SLC39A12: variants seen among roughly 807,000 people sequenced by gnomAD.
The protein encoded by SLC39A12 is solute carrier family 39 member 12, also known as zinc transporter ZIP12.
Under a neutral mutation model 71.1 loss-of-function variants are expected in SLC39A12, and 63 were observed. The ratio of observed to expected loss-of-function variants is 0.89; its 90% CI spans 0.72 to 1.09. The LOEUF (loss-of-function observed/expected upper bound fraction) is 1.09, where lower values mean the gene tolerates loss of function less well. Among genes scored for constraint, SLC39A12 ranks in the 50% least tolerant of loss-of-function variants. The pLI is 0.00. For missense variants in SLC39A12, 892 were observed against 812.6 expected (o/e 1.10, Z -1.19); for synonymous variants, 351 against 301.3 (o/e 1.16, Z -1.71).
In SLC39A12 at chr10:17,993,231, A is replaced by G. The variant is rs1000565358; in HGVS notation, c.1473A>G (p.Ala491=). ...ACGTGGGTCATTCCCACCATCTTGC[A>G]CTCAACTCTGAATTAAGTGACCAGG... ...NGHVGHSHHL[A]LNSELSDQAG... is the part of the protein sequence containing the mutation. Residue 491 remains alanine, a synonymous_variant, in exon 9 of 13, where the codon GCA becomes GCG. Coordinates refer to ENST00000377369, the MANE Select transcript of SLC39A12 (RefSeq NM_001145195.2). 6.4e-7 allele frequency: 1 copy of G among 1,551,872 alleles called. No individual in the cohort carries two copies. Among genetic ancestry groups the G allele is most frequent in the East Asian group, 2.4e-5 (1 of 40,912 alleles).
Position 17,953,475 on chromosome 10 carries a change from A to C in SLC39A12, c.199A>C (p.Thr67Pro). 1 of 1,614,216 alleles carries C rather than the reference A, an allele frequency of 6.2e-7. No individual in the cohort carries two copies. Among genetic ancestry groups the C allele is most frequent in the Non-Finnish European group, 8.5e-7 (1 of 1,180,036 alleles). The change falls in exon 2 of 13, where the codon ACA becomes CCA. Residue 67 changes from threonine (T) to proline (P), a missense_variant. Thr to Pro is a conservative substitution (Grantham distance 38). Coordinates refer to ENST00000377369, the MANE Select transcript of SLC39A12 (RefSeq NM_001145195.2). ...CAACCACTCAAGAAGCCTCATCAAA[A>C]CATTGTTGGAGAAAACTGGGTGCCC... ...PHNHSRSLIK[T>P]LLEKTGCPRR...
intron 12 of SLC39A12, among the ~76,000 whole-genome samples, chr10:18,009,918 A>G (rs1836152899): frequency 6.6e-6 from 1 of 152,220 alleles, no homozygotes; most frequent in Non-Finnish European, 1.5e-5. Context: ...AGGTCAGTAA[A>G]TGTAGCAGCT....
At chr10:18,019,949 T>C (rs1263031778) in intron 12 of SLC39A12, among the ~76,000 whole-genome samples, 1 of 152,116 alleles carries the variant, frequency 6.6e-6, no homozygotes, top group Non-Finnish European at 1.5e-5. Context: ...AATTCAACTA[T>C]GTCTACTGAT....
At chr10:17,987,304 C>T (rs1214791891) in intron 6 of SLC39A12, among the ~76,000 whole-genome samples, 175 bp from the exon 7 acceptor site, 2 of 152,138 alleles carry the variant, frequency 1.3e-5, no homozygotes, top group African/African-American at 4.8e-5. Context: ...CACTACATTC[C>T]AGGCTGGGTG....
intron 10 of SLC39A12, among the ~76,000 whole-genome samples, chr10:17,999,230 G>T (rs114955539): frequency 7.2e-6 from 1 of 139,664 alleles, no homozygotes; most frequent in East Asian, 2.1e-4. Context: ...CAGAGGCGGA[G>T]GTTGTAGTGA....
intron 12 of SLC39A12, among the ~76,000 whole-genome samples, chr10:18,003,932 A>T (rs997541602): frequency 2.6e-5 from 4 of 152,236 alleles, no homozygotes; most frequent in Admixed American, 2.0e-4. Flanking sequence ...CAAAAGGACA[A>T]TTGCGCTGAT....
In SLC39A12 at chr10:18,042,879, C is replaced by A; in HGVS notation, c.*46C>A. On this transcript the variant is annotated 3_prime_UTR_variant, in exon 13 of 13. Transcript: ENST00000377369. The stretch of plus-strand genomic sequence containing the variant: ...TCAAAAATGCATTTATATAGTCTTA[C>A]TTTGTTTCTTTCATTGCACTCTATA... The A allele has an allele frequency of 6.5e-7, 1 of 1,529,800 alleles. No individual in the cohort carries two copies. The highest frequency in any genetic ancestry group is 1.3e-5 in the South Asian group (1 of 79,854). 94.8% of individuals were successfully genotyped at this position (1,529,800 alleles called of 1,614,324 possible). A position where few individuals can be genotyped will look rare whatever the true frequency, so the allele number is the denominator to read the frequency against.
Position 17,967,915 on chromosome 10 carries a change from A to ATG in SLC39A12, c.751+2226_751+2227insGT, listed in dbSNP as rs1239635372. On this transcript the variant is annotated intron_variant, in intron 4 of 12. Transcript: ENST00000377369. ...AAAAAAAAAATATATATATATATAT[A>ATG]TATTTATTTATTTATTTCCCTCACA... Among the ~76,000 whole-genome samples, 4 of 142,912 alleles carry ATG rather than the reference A, an allele frequency of 2.8e-5. No homozygotes were observed. In the South Asian group the frequency reaches 6.5e-4, roughly 23 times the overall value. 93.8% of individuals were successfully genotyped at this position (142,912 alleles called of 152,430 possible).
At chr10:17,981,209 C>A in intron 5 of SLC39A12, 103 bp from the exon 6 acceptor site, 1 of 996,600 alleles carries the variant, frequency 1.0e-6, no homozygotes, top group Non-Finnish European at 1.5e-6. Context: ...TGTGTGTGTT[C>A]TCGCTATTCC....
chr10:17,955,720 T>A (rs1834528600), intron 2 of SLC39A12, among the ~76,000 whole-genome samples: 5 of 152,194 alleles, frequency 3.3e-5, no homozygotes. Flanking sequence ...AAAAGTGAAT[T>A]TTTTAAAAAG....
At position 18,003,269 on chromosome 10, in the gene SLC39A12, G is replaced by A; in HGVS notation, c.1858G>A (p.Gly620Ser). Residue 620 changes from glycine to serine, a missense_variant, in exon 12 of 13, where the codon GGC becomes AGC. Transcript: ENST00000377369. ...SLTAFMGLYI[G>S]LSVSADPCVQ... ...AACTGCCTTCATGGGATTATACATTGGCCTTTCCGTGTCAGCTGATCCATG... is the reference window on the plus strand; with the variant it reads ...AACTGCCTTCATGGGATTATACATTAGCCTTTCCGTGTCAGCTGATCCATG... 6.2e-7 allele frequency: 1 copy of A among 1,613,986 alleles called. No individual in the cohort carries two copies. Among genetic ancestry groups the A allele is most frequent in the Admixed American group, 1.7e-5 (1 of 60,004 alleles).
chr10:18,011,863 G>C (rs918850504), intron 12 of SLC39A12, among the ~76,000 whole-genome samples: 2 of 152,140 alleles, frequency 1.3e-5, no homozygotes, highest in Non-Finnish European at 2.9e-5. Flanking sequence ...ATCCCACTGG[G>C]AAGTGATAGA....
intron 6 of SLC39A12, among the ~76,000 whole-genome samples, chr10:17,983,914 A>G (rs1835337537): frequency 6.6e-6 from 1 of 152,234 alleles, no homozygotes; most frequent in Non-Finnish European, 1.5e-5. Flanking sequence ...ATTATATTGA[A>G]GGGAGGAAGA....
At chr10:18,037,282 A>C (rs369561508) in intron 12 of SLC39A12, among the ~76,000 whole-genome samples, 8 of 152,188 alleles carry the variant, frequency 5.3e-5, no homozygotes, top group African/African-American at 1.9e-4. Flanking sequence ...AATTTTCATG[A>C]AGTGCAGTGA....
intron 8 of SLC39A12, among the ~76,000 whole-genome samples, chr10:17,992,202 T>A (rs1185229095): frequency 6.6e-6 from 1 of 152,056 alleles, no homozygotes; most frequent in East Asian, 1.9e-4. Context: ...AAAATGAATT[T>A]ATGGATGGAT....
chr10:17,974,876 G>A (rs570889880), intron 4 of SLC39A12, among the ~76,000 whole-genome samples: 4 of 152,312 alleles, frequency 2.6e-5, no homozygotes, highest in Non-Finnish European at 4.4e-5. Context: ...TTCCCAGGCA[G>A]GTCCAGAGGT....
At chr10:18,025,340 G>A (rs1836647424) in intron 12 of SLC39A12, among the ~76,000 whole-genome samples, 2 of 151,922 alleles carry the variant, frequency 1.3e-5, no homozygotes, top group East Asian at 1.9e-4. Context: ...CCAGTAACTC[G>A]TCATTTAACA....
chr10:18,026,340 G>T (rs989311495), intron 12 of SLC39A12, among the ~76,000 whole-genome samples: 3 of 151,988 alleles, frequency 2.0e-5, no homozygotes, highest in African/African-American at 7.2e-5. Context: ...TTTTCGGTGG[G>T]TGGATTTTTT....
At chr10:18,000,849 GT>G (rs749618239) in intron 11 of SLC39A12, 24 bp downstream of exon 11, 1 of 1,605,620 alleles carries the variant, frequency 6.2e-7, no homozygotes, top group South Asian at 1.1e-5. Context: ...TGGAATTACT[GT>G]TTCTGGCCTG....
Sources: allele counts gnomAD v4.1 joint callset (sites outside exome capture counted in the v4.1 genomes callset), GRCh38; gene constraint gnomAD v4.1.1; transcripts MANE v1.5; gene names NCBI Gene and HGNC (gene_info 2026-07-23, HGNC 2026-07-21).